ASTN2: variants seen among roughly 807,000 people sequenced by gnomAD.
ASTN2 encodes astrotactin 2.
A neutral mutation model predicts 139.8 loss-of-function variants in ASTN2; 54 were observed. The ratio of observed to expected loss-of-function variants is 0.39; its 90% CI spans 0.31 to 0.48. ASTN2 has a LOEUF of 0.48. Ranked by LOEUF, ASTN2 falls within the 20% of genes least tolerant of loss-of-function variation. The pLI, the probability that ASTN2 is intolerant of heterozygous loss-of-function variation, is 0.95. For synonymous variants in ASTN2, 756 were observed against 719.5 expected, an observed-to-expected ratio of 1.05 and a Z score of -0.81; for missense variants, 1,565 against 1,725.1, an observed-to-expected ratio of 0.91 and a Z score of 1.64.
At chr9:116,679,390 T>C (rs1859697323) in intron 16 of ASTN2, among the ~76,000 whole-genome samples, 2 of 152,156 alleles carry the variant, frequency 1.3e-5, no homozygotes, top group Non-Finnish European at 1.5e-5. Flanking sequence ...AAATAGGAAA[T>C]GATGTTTGGC....
intron 13 of ASTN2, among the ~76,000 whole-genome samples, chr9:116,772,233 G>A (rs556846379): frequency 2.6e-5 from 4 of 152,266 alleles, no homozygotes; most frequent in South Asian, 4.1e-4. Flanking sequence ...CACATGTCAC[G>A]GGAGGGACGT....
intron 10 of ASTN2, among the ~76,000 whole-genome samples, chr9:116,879,462 G>T (rs1004127065): frequency 6.6e-6 from 1 of 152,158 alleles, no homozygotes; most frequent in South Asian, 2.1e-4. Flanking sequence ...CTCAAACTCT[G>T]CTGCTCATTT....
chr9:116,834,844 T>C (rs10114808), intron 11 of ASTN2, among the ~76,000 whole-genome samples: 36,045 of 152,042 alleles, frequency 0.24, 4,916 homozygotes, highest in East Asian at 0.5. Flanking sequence ...GGCCAGGAGT[T>C]TGAGACTGGC....
At chr9:117,365,843 G>A (rs1255289137) in intron 1 of ASTN2, among the ~76,000 whole-genome samples, 1 of 152,210 alleles carries the variant, frequency 6.6e-6, no homozygotes, top group African/African-American at 2.4e-5. Flanking sequence ...ACTGGCCTAG[G>A]GGTTTGGAGG....
At chr9:117,261,264 G>A (rs1486359385) in intron 2 of ASTN2, among the ~76,000 whole-genome samples, 1 of 152,168 alleles carries the variant, frequency 6.6e-6, no homozygotes, top group Non-Finnish European at 1.5e-5. Flanking sequence ...TACAAATAGA[G>A]ACTAGGCAAG....
intron 1 of ASTN2, among the ~76,000 whole-genome samples, chr9:117,409,448 G>T (rs1831100469): frequency 6.6e-6 from 1 of 152,192 alleles, no homozygotes; most frequent in South Asian, 2.1e-4. Flanking sequence ...GCCAAACGGA[G>T]GTCCAGTCTG....
intron 1 of ASTN2, among the ~76,000 whole-genome samples, chr9:117,369,660 T>C (rs1253788845): frequency 6.6e-6 from 1 of 152,156 alleles, no homozygotes; most frequent in Non-Finnish European, 1.5e-5. Flanking sequence ...TTCAGAGTCA[T>C]AATCTCACTA....
At chr9:117,263,880 A>G (rs1335325779) in intron 2 of ASTN2, among the ~76,000 whole-genome samples, 2 of 152,194 alleles carry the variant, frequency 1.3e-5, no homozygotes, top group East Asian at 3.9e-4. Flanking sequence ...TGAAATCTAA[A>G]TTGAGGCTAG....
chr9:116,427,314 T>C (rs1156606374), intron 22 of ASTN2, among the ~76,000 whole-genome samples: 1 of 152,168 alleles, frequency 6.6e-6, no homozygotes, highest in Admixed American at 6.5e-5. Context: ...TCTTTAGACA[T>C]TGCCAAATAT....
chr9:116,993,876 A>ATATTTTTTTTTT (rs1030120382), intron 7 of ASTN2, among the ~76,000 whole-genome samples: 15 of 142,044 alleles, frequency 1.1e-4, no homozygotes, highest in South Asian at 8.7e-4. Flanking sequence ...ATATATATAT[A>ATATTTTTTTTTT]TTTTAACTAT....
intron 5 of ASTN2, among the ~76,000 whole-genome samples, chr9:117,084,145 T>C (rs11790102): frequency 0.17 from 25,611 of 151,822 alleles, 2,635 homozygotes; most frequent in African/African-American, 0.27. Flanking sequence ...GAATACATAA[T>C]TTTCTCTTCT....
At chr9:117,098,440 C>T (rs1350147879) in intron 4 of ASTN2, among the ~76,000 whole-genome samples, 1 of 152,126 alleles carries the variant, frequency 6.6e-6, no homozygotes, top group Non-Finnish European at 1.5e-5. Context: ...TTAATATCTG[C>T]CTCCCCACAC....
chr9:116,943,687 GA>G (rs1180073150), intron 10 of ASTN2, among the ~76,000 whole-genome samples: 1 of 152,172 alleles, frequency 6.6e-6, no homozygotes, highest in Non-Finnish European at 1.5e-5. Context: ...TCTTTGGCCT[GA>G]CATTCAAAAC....
chr9:116,530,145 ATATAT>A (rs1851277831), intron 19 of ASTN2, among the ~76,000 whole-genome samples: 7 of 25,646 alleles, frequency 2.7e-4, no homozygotes, highest in Non-Finnish European at 4.7e-4. Context: ...ATATATATAT[ATATAT>A]AAAATAGAAT....
At chr9:116,873,008 T>A (rs1159318628) in intron 10 of ASTN2, among the ~76,000 whole-genome samples, 1 of 152,200 alleles carries the variant, frequency 6.6e-6, no homozygotes, top group African/African-American at 2.4e-5. Flanking sequence ...CAGATCCTGC[T>A]TTTATTTAGA....
intron 19 of ASTN2, among the ~76,000 whole-genome samples, chr9:116,570,802 C>G (rs1853474446): frequency 6.6e-6 from 1 of 152,164 alleles, no homozygotes; most frequent in East Asian, 1.9e-4. Flanking sequence ...TCCTGTGATT[C>G]CAAGTAAGTT....
At chr9:116,955,073 CG>C (rs1564358748) in intron 10 of ASTN2, among the ~76,000 whole-genome samples, 1 of 152,190 alleles carries the variant, frequency 6.6e-6, no homozygotes, top group African/African-American at 2.4e-5. Flanking sequence ...GATGAGGACT[CG>C]AAGTCTGGTG....
intron 2 of ASTN2, among the ~76,000 whole-genome samples, chr9:117,247,059 G>A (rs1403433198): frequency 6.6e-6 from 1 of 152,194 alleles, no homozygotes; most frequent in South Asian, 2.1e-4. Context: ...CAGGCAAGGA[G>A]CCAAAAGCAC....
chr9:117,227,745 T>C (rs1352968490), intron 2 of ASTN2, among the ~76,000 whole-genome samples: 1 of 152,200 alleles, frequency 6.6e-6, no homozygotes, highest in Admixed American at 6.5e-5. Flanking sequence ...AACTCCTCTC[T>C]CTCTACTGTT....
Sources: gnomAD v4.1 joint callset for allele counts (sites outside exome capture counted in the v4.1 genomes callset) on GRCh38, gnomAD v4.1.1 for gene constraint, MANE v1.5 for transcripts, NCBI Gene and HGNC (gene_info 2026-07-23, HGNC 2026-07-21) for gene names.